ARHGEF33: variants seen among roughly 807,000 people sequenced by gnomAD.
ARHGEF33 encodes DH and coiled-coil domain-containing protein ENSP00000381780.
In ARHGEF33, 72 loss-of-function variants were observed where a neutral mutation model predicts 101.9. The observed-to-expected ratio is 0.71, with a 90% CI of 0.58 to 0.86. The LOEUF is 0.86. Ranked by LOEUF, ARHGEF33 falls within the 40% of genes least tolerant of loss-of-function variation. The pLI is 0.00. For synonymous variants in ARHGEF33, 499 were observed against 442.5 expected (o/e 1.13, Z -1.60); for missense variants, 1,169 against 1,111.3 (o/e 1.05, Z -0.74).
intron 2 of ARHGEF33, among the ~76,000 whole-genome samples, chr2:38,904,115 A>T (rs530860105): frequency 6.6e-6 from 1 of 152,220 alleles, no homozygotes; most frequent in East Asian, 1.9e-4. Context: ...TTTGATTCCT[A>T]TTGAGTTTTA....
chr2:38,922,124 C>G (rs1395968590), intron 4 of ARHGEF33, among the ~76,000 whole-genome samples: 1 of 152,130 alleles, frequency 6.6e-6, no homozygotes, highest in East Asian at 1.9e-4. Flanking sequence ...TAAAGCACAT[C>G]TCTGTTCTTA....
chr2:38,927,164 A>G (rs1020884163), intron 4 of ARHGEF33, among the ~76,000 whole-genome samples: 1 of 152,172 alleles, frequency 6.6e-6, no homozygotes. Context: ...CCTCAAAATG[A>G]TCTCTCTGAT....
At chr2:38,923,421 A>G (rs1432996115) in intron 4 of ARHGEF33, among the ~76,000 whole-genome samples, 1 of 152,198 alleles carries the variant, frequency 6.6e-6, no homozygotes, top group Non-Finnish European at 1.5e-5. Flanking sequence ...GGGCACCAGA[A>G]GCAAAATATA....
rs913587890 is a variant in ARHGEF33, at chr2:38,953,312, C to T, written c.1137+67C>T. ...GGCATCATATGATGTTGCTCATCCA[C>T]CCAGTCAATACAGCGCATGCACTGT... On this transcript the variant is annotated intron_variant, in intron 12 of 17. Coordinates refer to ENST00000409978, the MANE Select transcript of ARHGEF33 (RefSeq NM_001145451.5). The T allele has an allele frequency of 3.2e-4, 300 of 935,498 alleles. 2 individuals are homozygous for T. In the South Asian group the frequency reaches 3.9e-3, roughly 12 times the overall value. The allele number at this position is 935,498 out of a possible 1,614,324, so 57.9% of individuals were successfully genotyped here. A position where few individuals can be genotyped will look rare whatever the true frequency, so the allele number is the denominator to read the frequency against.
At chr2:38,955,900 C>T (rs557223600) in intron 13 of ARHGEF33, among the ~76,000 whole-genome samples, 11 of 152,162 alleles carry the variant, frequency 7.2e-5, no homozygotes, top group African/African-American at 2.4e-4. Flanking sequence ...TGGTCTCGAT[C>T]TCCTGGTGAT....
chr2:38,932,192 G>A (rs1315060859), intron 7 of ARHGEF33, among the ~76,000 whole-genome samples: 1 of 151,872 alleles, frequency 6.6e-6, no homozygotes, highest in Non-Finnish European at 1.5e-5. Context: ...GCACGATCTC[G>A]GCTCACTGCA....
intron 10 of ARHGEF33, among the ~76,000 whole-genome samples, chr2:38,949,745 C>CCT (rs1558439490): frequency 1.3e-5 from 2 of 152,188 alleles, no homozygotes; most frequent in African/African-American, 4.8e-5. Context: ...AATTGGATCA[C>CCT]GGTTCTGCAG....
intron 15 of ARHGEF33, chr2:38,959,631 T>C (rs938387951): frequency 5.7e-6 from 3 of 524,344 alleles, no homozygotes; most frequent in African/African-American, 3.9e-5. Context: ...GCTCAGACAA[T>C]ACCTTCGGGC....
chr2:38,955,550 G>GTGATCTTGGCT (rs1237519804), intron 13 of ARHGEF33, among the ~76,000 whole-genome samples: 2 of 139,186 alleles, frequency 1.4e-5, no homozygotes, highest in Non-Finnish European at 3.0e-5. Flanking sequence ...GTGCAGTGGT[G>GTGATCTTGGCT]TGATCTTGGC....
rs186974092 is a variant in ARHGEF33, at chr2:38,941,696, C to T, written c.791-2205C>T. ...CCGAGTAGCTGGGACTACAGCCGTC[C>T]ACCACCACACCTGGCTAATTTTTGT... is the stretch of plus-strand genomic sequence containing the variant. On this transcript the variant is annotated intron_variant, in intron 9 of 17. Coordinates refer to ENST00000409978, the MANE Select transcript of ARHGEF33 (RefSeq NM_001145451.5). 5.4e-3 allele frequency among the ~76,000 whole-genome samples: 815 copies of T among 151,976 alleles called. 4 individuals are homozygous for T. The highest frequency in any genetic ancestry group is 8.3e-3 in the Non-Finnish European group (563 of 67,946).
At chr2:38,924,894 A>G (rs1572750891) in intron 4 of ARHGEF33, among the ~76,000 whole-genome samples, 1 of 152,228 alleles carries the variant, frequency 6.6e-6, no homozygotes, top group African/African-American at 2.4e-5. Context: ...AAACAAAAAC[A>G]TAGTATGACA....
At chr2:38,950,242 GC>G (rs1334928869) in intron 10 of ARHGEF33, among the ~76,000 whole-genome samples, 1 of 152,160 alleles carries the variant, frequency 6.6e-6, no homozygotes, top group African/African-American at 2.4e-5. Context: ...TACCTAAATA[GC>G]AGTCTCCTAC....
intron 5 of ARHGEF33, 89 bp from the exon 6 acceptor site, chr2:38,929,620 T>A: frequency 1.0e-6 from 1 of 999,804 alleles, no homozygotes; most frequent in Non-Finnish European, 1.4e-6. Flanking sequence ...ATTCAATAAA[T>A]ATGTATTAAA....
chr2:38,914,698 T>A (rs1666594684), intron 2 of ARHGEF33, among the ~76,000 whole-genome samples: 1 of 150,398 alleles, frequency 6.6e-6, no homozygotes, highest in Non-Finnish European at 1.5e-5. Flanking sequence ...ATTTCTTAGA[T>A]CTATACCAAT....
intron 9 of ARHGEF33, 65 bp downstream of exon 9, chr2:38,937,624 C>A: frequency 1.0e-6 from 1 of 972,026 alleles, no homozygotes; most frequent in Non-Finnish European, 1.6e-6. Flanking sequence ...GCTTTGAACT[C>A]AAAGGCGAGA....
At chr2:38,971,189 C>T (rs951108436) in intron 17 of ARHGEF33, among the ~76,000 whole-genome samples, 4 of 152,228 alleles carry the variant, frequency 2.6e-5, no homozygotes, top group Non-Finnish European at 5.9e-5. Context: ...CCCCCATCCC[C>T]AGCTCCAAAC....
At chr2:38,973,653 A>G in intron 17 of ARHGEF33, 61 bp from the exon 18 acceptor site, 2 of 1,423,038 alleles carry the variant, frequency 1.4e-6, no homozygotes, top group Non-Finnish European at 1.8e-6. Context: ...GATAGATAAA[A>G]ATATTTGAAA....
chr2:38,961,845 A>G (rs1667950969), intron 16 of ARHGEF33, among the ~76,000 whole-genome samples: 2 of 151,870 alleles, frequency 1.3e-5, no homozygotes, highest in African/African-American at 4.8e-5. Context: ...TCCGAATTAG[A>G]TTGTAAAAGC....
chr2:38,895,713 A>C (rs1203610154), intron 1 of ARHGEF33, 64 bp from the exon 2 acceptor site: 2 of 151,986 alleles, frequency 1.3e-5, no homozygotes, highest in African/African-American at 4.8e-5. Flanking sequence ...ATAGGAAAAA[A>C]TGATGGTATA....
Sources: gnomAD v4.1 joint callset for allele counts (sites outside exome capture counted in the v4.1 genomes callset) on GRCh38, gnomAD v4.1.1 for gene constraint, MANE v1.5 for transcripts, NCBI Gene and HGNC (gene_info 2026-07-23, HGNC 2026-07-21) for gene names.